USH2A: variants seen among roughly 807,000 people sequenced by gnomAD.
The protein encoded by USH2A is usherin.
A neutral mutation model predicts 538.9 loss-of-function variants in USH2A; 443 were observed. The observed-to-expected ratio is 0.82, with a 90% CI of 0.76 to 0.89. The LOEUF (loss-of-function observed/expected upper bound fraction) is 0.89. USH2A is among the 40% of genes least tolerant of loss of function. USH2A has a pLI of 0.00. For synonymous variants in USH2A, 2,413 were observed against 2,273.5 expected (o/e 1.06, Z -1.75); for missense variants, 6,633 against 6,324.8 (o/e 1.05, Z -1.65).
intron 40 of USH2A, among the ~76,000 whole-genome samples, chr1:215,897,342 C>T (rs1477929065): frequency 6.6e-6 from 1 of 152,068 alleles, no homozygotes; most frequent in Non-Finnish European, 1.5e-5. Context: ...GGGCACGAGG[C>T]GACTTCTCTG....
intron 21 of USH2A, among the ~76,000 whole-genome samples, chr1:216,131,447 A>G (rs2033373976): frequency 6.6e-6 from 1 of 150,824 alleles, no homozygotes; most frequent in East Asian, 1.9e-4. Context: ...CAGATCTTTG[A>G]TTTAAGTCCT....
Position 215,670,275 on chromosome 1 carries a change from CATTG to C in USH2A, c.14133+693_14133+696del, listed in dbSNP as rs904694947. Among the ~76,000 whole-genome samples the C allele has an allele frequency of 5.9e-5, 9 of 152,252 alleles. 1 individual carries two copies. Among genetic ancestry groups the C allele is most frequent in the African/African-American group, 1.7e-4 (7 of 41,542 alleles). ...CACTTGGCTAGAAGACAGCCTGACA[CATTG>C]ATTGACACTCCCACCACGCCTGAGC... is the stretch of plus-strand genomic sequence containing the variant. On this transcript the variant is annotated intron_variant, in intron 64 of 71. Coordinates refer to ENST00000307340, the MANE Select transcript of USH2A (RefSeq NM_206933.4).
At chr1:215,668,899 G>A (rs775469943) in intron 64 of USH2A, among the ~76,000 whole-genome samples, 4 of 152,210 alleles carry the variant, frequency 2.6e-5, no homozygotes, top group Admixed American at 6.5e-5. Flanking sequence ...GCCTGGTGTG[G>A]TGGTGCATGC....
In USH2A at chr1:216,279,841, A is replaced by G. The variant is rs1407507267; in HGVS notation, c.1971+9439T>C. 2.0e-5 allele frequency among the ~76,000 whole-genome samples: 3 copies of G among 152,000 alleles called. No homozygotes were observed. In the East Asian group the frequency reaches 5.8e-4, roughly 29 times the overall value. ...TTCTACATGAGTCAGGCCATATGCT[A>G]GGGACTTATGTTAGGGACTTTCACC... On this transcript the variant is annotated intron_variant, in intron 11 of 71. Transcript: ENST00000307340.
chr1:215,982,664 T>G (rs1667777068), intron 35 of USH2A, among the ~76,000 whole-genome samples: 1 of 152,234 alleles, frequency 6.6e-6, no homozygotes, highest in South Asian at 2.1e-4. Flanking sequence ...GGTAGTCATC[T>G]GGCTCATCAG....
chr1:216,013,528 G>A (rs1445656134), intron 32 of USH2A, among the ~76,000 whole-genome samples: 4 of 151,266 alleles, frequency 2.6e-5, no homozygotes, highest in East Asian at 1.9e-4. Flanking sequence ...CCAGATGGCC[G>A]GTTCCTGCCT....
At chr1:215,893,947 T>C (rs1571788809) in intron 40 of USH2A, among the ~76,000 whole-genome samples, 2 of 152,274 alleles carry the variant, frequency 1.3e-5, no homozygotes, top group East Asian at 1.9e-4. Context: ...AATTCAGGAA[T>C]TTGTGGAGAA....
chr1:215,816,964 A>G (rs1214093033), intron 48 of USH2A, 33 bp downstream of exon 48: 6 of 1,607,606 alleles, frequency 3.7e-6, no homozygotes, highest in Non-Finnish European at 5.1e-6. Flanking sequence ...AGTGAGAAAA[A>G]CATGGTTCAC....
rs561394214 is a variant in USH2A, at chr1:216,029,612, T to G, written c.6325+16819A>C. ...ATATAGCCACAAGATTTAAGCAAGGTAACTGAAACAGAAGATAAAACAGTG... is the reference window on the plus strand; with the variant it reads ...ATATAGCCACAAGATTTAAGCAAGGGAACTGAAACAGAAGATAAAACAGTG... On this transcript the variant is annotated intron_variant, in intron 32 of 71. Coordinates refer to ENST00000307340, the MANE Select transcript of USH2A (RefSeq NM_206933.4). Among the ~76,000 whole-genome samples the G allele has an allele frequency of 5.3e-5, 8 of 152,066 alleles. No homozygotes were observed. In the East Asian group the frequency reaches 1.5e-3, roughly 29 times the overall value.
intron 30 of USH2A, among the ~76,000 whole-genome samples, chr1:216,052,522 T>C (rs2030825553): frequency 6.6e-6 from 1 of 152,182 alleles, no homozygotes; most frequent in African/African-American, 2.4e-5. Flanking sequence ...CTATTTCCAG[T>C]AGGGAATCTT....
At position 216,285,424 on chromosome 1, in the gene USH2A, G is replaced by A. The variant is rs138498740; in HGVS notation, c.1971+3856C>T. Reference sequence around the variant, plus strand: ...CAAGAATTGAGGTTTGGGAACTTCCGCCTAGCTTTCAGAGGATGTATGGAA... The same window carrying A: ...CAAGAATTGAGGTTTGGGAACTTCCACCTAGCTTTCAGAGGATGTATGGAA... On this transcript the variant is annotated intron_variant, in intron 11 of 71. Transcript: ENST00000307340. Among the ~76,000 whole-genome samples the A allele has an allele frequency of 5.0e-3, 760 of 152,348 alleles. 7 individuals carry two copies. Among genetic ancestry groups the A allele is most frequent in the African/African-American group, 0.018 (737 of 41,570 alleles).
intron 37 of USH2A, among the ~76,000 whole-genome samples, chr1:215,937,759 A>G (rs948336254): frequency 1.3e-5 from 2 of 152,200 alleles, no homozygotes; most frequent in Non-Finnish European, 2.9e-5. Flanking sequence ...TTTGTAAAGC[A>G]ACAATGGAAA....
intron 58 of USH2A, among the ~76,000 whole-genome samples, chr1:215,750,587 T>A (rs538227829): frequency 2.6e-5 from 4 of 152,360 alleles, no homozygotes; most frequent in Non-Finnish European, 5.9e-5. Flanking sequence ...TCATACTTCC[T>A]ATATATAAAG....
chr1:216,400,140 AAATGCATCAACAAGC>A (rs953477217), intron 3 of USH2A, among the ~76,000 whole-genome samples: 2 of 152,032 alleles, frequency 1.3e-5, no homozygotes, highest in Admixed American at 1.3e-4. Flanking sequence ...GATACAATAA[AAATGCATCAACAAGC>A]AATTGTGAAT....
chr1:216,301,053 C>A (rs2037206749), intron 9 of USH2A, among the ~76,000 whole-genome samples: 2 of 151,834 alleles, frequency 1.3e-5, no homozygotes, highest in African/African-American at 4.8e-5. Context: ...ACAAGCCACA[C>A]ACTCAATTTT....
chr1:216,286,051 G>A (rs1035485135), intron 11 of USH2A, among the ~76,000 whole-genome samples: 5 of 152,120 alleles, frequency 3.3e-5, no homozygotes, highest in African/African-American at 1.2e-4. Flanking sequence ...GTTAATGCTG[G>A]AATGAGTTAA....
At chr1:215,716,527 T>C (rs1659493671) in intron 61 of USH2A, among the ~76,000 whole-genome samples, 1 of 152,226 alleles carries the variant, frequency 6.6e-6, no homozygotes, top group Non-Finnish European at 1.5e-5. Flanking sequence ...TAAAACTCTG[T>C]ATCATAATCA....
chr1:216,089,090 C>G lies in USH2A; in HGVS notation c.4808G>C (p.Ser1603Thr), dbSNP rs1444644478. The G allele has an allele frequency of 6.2e-7, 1 of 1,613,250 alleles. No homozygotes were observed. The highest frequency in any genetic ancestry group is 8.5e-7 in the Non-Finnish European group (1 of 1,179,514). Reference sequence around the variant, plus strand: ...AATTATTTCATGCCATTTTCCATCACTATATTGTTTGCCATGATCATTAGT... The same window carrying G: ...AATTATTTCATGCCATTTTCCATCAGTATATTGTTTGCCATGATCATTAGT... ...TTTNDHGKQY[S>T]DGKWHEIIAI... The change falls in exon 23 of 72, where the codon AGT (serine) becomes ACT (threonine). Residue 1603 changes from serine (S) to threonine (T), a missense_variant. Transcript: ENST00000307340.
intron 41 of USH2A, among the ~76,000 whole-genome samples, 171 bp downstream of exon 41, chr1:215,888,255 C>A (rs1665115238): frequency 6.6e-6 from 1 of 152,208 alleles, no homozygotes; most frequent in South Asian, 2.1e-4. Flanking sequence ...AAATGAAAAA[C>A]TGACATCGAA....
Sources: gnomAD v4.1 joint callset for allele counts (sites outside exome capture counted in the v4.1 genomes callset) on GRCh38, gnomAD v4.1.1 for gene constraint, MANE v1.5 for transcripts, NCBI Gene and HGNC (gene_info 2026-07-23, HGNC 2026-07-21) for gene names.